The following SLC22A24 variants were observed in gnomAD, a reference collection of about 807,000 sequenced individuals.
The protein encoded by SLC22A24 is steroid transmembrane transporter SLC22A24.
Under a neutral mutation model 49.8 loss-of-function variants are expected in SLC22A24, and 53 were observed. That is an observed-to-expected ratio of 1.06 (90% CI 0.85 to 1.34). The LOEUF is 1.34. Ranked by LOEUF, SLC22A24 falls within the 40% of genes most tolerant of loss-of-function variation. The pLI is 0.00. For synonymous variants in SLC22A24, 302 were observed against 256.4 expected (o/e 1.18, Z -1.70); for missense variants, 786 against 675.9 (o/e 1.16, Z -1.81).
At chr11:63,135,699 G>T (rs1342542541) in intron 1 of SLC22A24, among the ~76,000 whole-genome samples, 1 of 152,088 alleles carries the variant, frequency 6.6e-6, no homozygotes, top group Admixed American at 6.6e-5. Flanking sequence ...TTTGACTATG[G>T]AAATGATGTT....
At chr11:63,080,509 ATTCCC>A (rs1349441847) in intron 9 of SLC22A24, among the ~76,000 whole-genome samples, 2 of 152,228 alleles carry the variant, frequency 1.3e-5, no homozygotes, top group Non-Finnish European at 2.9e-5. Context: ...AGGCAATCTC[ATTCCC>A]TTTCCCACCA....
intron 6 of SLC22A24, among the ~76,000 whole-genome samples, chr11:63,093,376 TA>T (rs1292885895): frequency 3.9e-5 from 6 of 152,102 alleles, no homozygotes; most frequent in Non-Finnish European, 7.4e-5. Flanking sequence ...CATTCTACCA[TA>T]AAAACACATG....
intron 9 of SLC22A24, among the ~76,000 whole-genome samples, chr11:63,080,223 C>G (rs1262907013): frequency 6.6e-6 from 1 of 152,164 alleles, no homozygotes; most frequent in African/African-American, 2.4e-5. Flanking sequence ...TCACCATTGT[C>G]TCTTTGGATC....
rs1347758441 is a variant in SLC22A24, at chr11:63,138,204, GT to G, written c.403-3437del. Among the ~76,000 whole-genome samples the G allele has an allele frequency of 3.3e-5, 5 of 152,236 alleles. No homozygotes were observed. In the East Asian group the frequency reaches 9.6e-4, roughly 29 times the overall value. ...ATACTGTATGAGATTTCTATGTCTT[GT>G]TTTGTGTCCTTAAGAGCTCAACCTT... is the stretch of plus-strand genomic sequence containing the variant. On this transcript the variant is annotated intron_variant, in intron 1 of 9. Coordinates refer to ENST00000612278, the MANE Select transcript of SLC22A24 (RefSeq NM_001136506.2).
chr11:63,138,958 T>C (rs929716301), intron 1 of SLC22A24, among the ~76,000 whole-genome samples: 1 of 152,150 alleles, frequency 6.6e-6, no homozygotes, highest in Non-Finnish European at 1.5e-5. Context: ...TTAAAGCACC[T>C]AGGAGGTTAC....
At chr11:63,088,113 C>T (rs1022027280) in intron 6 of SLC22A24, among the ~76,000 whole-genome samples, 5 of 152,170 alleles carry the variant, frequency 3.3e-5, no homozygotes, top group African/African-American at 1.2e-4. Flanking sequence ...GTCCCTGACC[C>T]CCACGCCTCC....
intron 2 of SLC22A24, among the ~76,000 whole-genome samples, chr11:63,120,452 A>G (rs1405633926): frequency 6.6e-6 from 1 of 152,040 alleles, no homozygotes; most frequent in African/African-American, 2.4e-5. Context: ...TTAAAATATA[A>G]TAAAAAATAA....
chr11:63,081,243 C>G (rs749880373), intron 8 of SLC22A24, 120 bp from the exon 9 acceptor site: 8 of 818,536 alleles, frequency 9.8e-6, no homozygotes, highest in Non-Finnish European at 1.5e-5. Flanking sequence ...TGGGCTTTGA[C>G]AGCAAGCCCT....
intron 2 of SLC22A24, among the ~76,000 whole-genome samples, chr11:63,128,789 C>T (rs1478876917): frequency 6.6e-6 from 1 of 152,166 alleles, no homozygotes; most frequent in Non-Finnish European, 1.5e-5. Flanking sequence ...GCCCCCTTGT[C>T]TTGTATCTAA....
chr11:63,118,911 C>A lies in SLC22A24; in HGVS notation c.830+1G>T, dbSNP rs1195636349. On this transcript the variant is annotated splice_donor_variant, in intron 4 of 9. Coordinates refer to ENST00000612278, the MANE Select transcript of SLC22A24 (RefSeq NM_001136506.2). LOFTEE classifies it high-confidence loss of function. ...GCAAAGAATGTGGAGATTGTTCATA[C>A]CAAGAGGACAAGAAGAGGACAATTA... 5 of 1,551,994 alleles carry A rather than the reference C, an allele frequency of 3.2e-6. No individual in the cohort carries two copies. The highest frequency in any genetic ancestry group is 1.7e-4 in the Middle Eastern group (1 of 5,994).
intron 6 of SLC22A24, among the ~76,000 whole-genome samples, chr11:63,084,684 C>A (rs182403070): frequency 4.6e-5 from 7 of 152,218 alleles, no homozygotes; most frequent in African/African-American, 1.4e-4. Context: ...GCTTTCTTTC[C>A]CCCTCTCTAG....
intron 2 of SLC22A24, among the ~76,000 whole-genome samples, chr11:63,130,161 G>T (rs764365532): frequency 6.6e-6 from 1 of 152,180 alleles, no homozygotes; most frequent in Non-Finnish European, 1.5e-5. Flanking sequence ...TCTATACCTA[G>T]TTTATTGAGA....
intron 6 of SLC22A24, among the ~76,000 whole-genome samples, chr11:63,090,886 C>G (rs927049736): frequency 3.3e-5 from 5 of 151,750 alleles, no homozygotes; most frequent in Non-Finnish European, 7.4e-5. Context: ...GATGCAAGAG[C>G]AAACAAATTC....
chr11:63,131,271 A>G (rs541565477), intron 2 of SLC22A24, among the ~76,000 whole-genome samples: 2 of 152,214 alleles, frequency 1.3e-5, no homozygotes, highest in South Asian at 2.1e-4. Flanking sequence ...CATTTAGCCC[A>G]GTTACATTTA....
chr11:63,099,929 T>C (rs1469385344), intron 5 of SLC22A24, among the ~76,000 whole-genome samples: 1 of 151,988 alleles, frequency 6.6e-6, no homozygotes, highest in Non-Finnish European at 1.5e-5. Context: ...CATACCCCAA[T>C]ATAATAAAAG....
At chr11:63,091,392 C>G (rs936757235) in intron 6 of SLC22A24, among the ~76,000 whole-genome samples, 1 of 152,180 alleles carries the variant, frequency 6.6e-6, no homozygotes, top group African/African-American at 2.4e-5. Context: ...GGACTTCTCC[C>G]TAACTAATTT....
chr11:63,132,415 G>T (rs1368290573), intron 2 of SLC22A24, among the ~76,000 whole-genome samples: 1 of 152,088 alleles, frequency 6.6e-6, no homozygotes, highest in Non-Finnish European at 1.5e-5. Context: ...TCATCTTTGT[G>T]GTTTTATCTA....
At chr11:63,109,066 A>G (rs1204774330) in intron 4 of SLC22A24, among the ~76,000 whole-genome samples, 1 of 144,944 alleles carries the variant, frequency 6.9e-6, no homozygotes, top group Non-Finnish European at 1.5e-5. Flanking sequence ...CTCATTGTTC[A>G]GTTCCCACCT....
At chr11:63,093,556 G>T (rs1039962983) in intron 6 of SLC22A24, among the ~76,000 whole-genome samples, 4 of 152,088 alleles carry the variant, frequency 2.6e-5, no homozygotes, top group East Asian at 1.9e-4. Context: ...CATGGGTGGG[G>T]CTGGAGGTTA....
Sources: allele counts gnomAD v4.1 joint callset (sites outside exome capture counted in the v4.1 genomes callset), GRCh38; gene constraint gnomAD v4.1.1; transcripts MANE v1.5; gene names NCBI Gene and HGNC (gene_info 2026-07-23, HGNC 2026-07-21).